The following PPP4R3B variants were observed in gnomAD, a reference collection of about 807,000 sequenced individuals.
PPP4R3B encodes serine/threonine-protein phosphatase 4 regulatory subunit 3B.
In PPP4R3B, 52 loss-of-function variants were observed where a neutral mutation model predicts 95.4. The observed-to-expected ratio is 0.54, with a 90% CI of 0.44 to 0.69. The LOEUF (loss-of-function observed/expected upper bound fraction) is 0.69. PPP4R3B is among the 30% of genes least tolerant of loss of function. The pLI, the probability that PPP4R3B is intolerant of heterozygous loss-of-function variation, is 0.00. For synonymous variants in PPP4R3B, 407 were observed against 343.9 expected (o/e 1.18, Z -2.03); for missense variants, 1,003 against 1,005.9 (o/e 1.00, Z 0.04).
At position 55,583,939 on chromosome 2, in the gene PPP4R3B, C is replaced by A. The variant is rs549140681; in HGVS notation, c.1233+1112G>T. On this transcript the variant is annotated intron_variant, in intron 7 of 16. Transcript: ENST00000616407. ...TTAACAAGTGGATCGCACATGGTGG[C>A]TCATGCCTTTAATCCCAGCACTTTA... Among the ~76,000 whole-genome samples, 7 of 152,232 alleles carry A rather than the reference C, an allele frequency of 4.6e-5. No individual in the cohort carries two copies. In the South Asian group the frequency reaches 1.5e-3, roughly 32 times the overall value.
intron 5 of PPP4R3B, among the ~76,000 whole-genome samples, chr2:55,587,313 G>C (rs981161187): frequency 2.6e-5 from 4 of 152,382 alleles, no homozygotes; most frequent in African/African-American, 7.2e-5. Flanking sequence ...GCGGGGCACA[G>C]TGGCTCACGC....
At chr2:55,593,914 G>C (rs771821357) in intron 4 of PPP4R3B, among the ~76,000 whole-genome samples, 25 of 152,080 alleles carry the variant, frequency 1.6e-4, no homozygotes, top group Non-Finnish European at 2.5e-4. Flanking sequence ...ACCCACCTAA[G>C]TGTCTACCAA....
Position 55,617,177 on chromosome 2 carries a change from C to T in PPP4R3B, c.109G>A (p.Gly37Arg). 1 of 1,613,764 alleles carries T rather than the reference C, an allele frequency of 6.2e-7. No homozygotes were observed. The highest frequency in any genetic ancestry group is 8.5e-7 in the Non-Finnish European group (1 of 1,179,824). ...TCTGCCCGAACCAGCAGCGACATCCCCTTGAGCTCCTCCACGTAAGTGGAG... is the reference window on the plus strand; with the variant it reads ...TCTGCCCGAACCAGCAGCGACATCCTCTTGAGCTCCTCCACGTAAGTGGAG... Reference protein sequence around the residue: ...VSSTYVEELKGMSLLVRAESD... With the variant: ...VSSTYVEELKRMSLLVRAESD... The change falls in exon 1 of 17, where the codon GGG becomes AGG. Residue 37 changes from glycine (G) to arginine (R), a missense_variant. Gly to Arg is a moderately radical substitution (Grantham distance 125, BLOSUM62 -2). This residue lies in a region of PPP4R3B where 695 missense variants were observed against 686.2 expected (regional missense o/e 1.01). Transcript: ENST00000616407.
chr2:55,578,142 A>C (rs1688939990), intron 10 of PPP4R3B, 105 bp downstream of exon 10: 1 of 1,125,052 alleles, frequency 8.9e-7, no homozygotes, highest in East Asian at 3.2e-5. Context: ...TGTATGACAG[A>C]CATTAAATTT....
At chr2:55,563,043 T>C (rs2103912510) in intron 15 of PPP4R3B, among the ~76,000 whole-genome samples, 2 of 152,348 alleles carry the variant, frequency 1.3e-5, no homozygotes, top group South Asian at 4.1e-4. Context: ...CTTAACAGCA[T>C]CTCACTCAAC....
chr2:55,590,222 G>A (rs1196821208), intron 4 of PPP4R3B, among the ~76,000 whole-genome samples: 1 of 151,508 alleles, frequency 6.6e-6, no homozygotes, highest in African/African-American at 2.4e-5. Flanking sequence ...AGCTACTAGG[G>A]AGGCTGAGGC....
chr2:55,578,318 T>C lies in PPP4R3B; in HGVS notation c.1493A>G (p.Tyr498Cys), dbSNP rs1202467608. The C allele has an allele frequency of 2.7e-6, 4 of 1,456,398 alleles. No homozygotes were observed. Among genetic ancestry groups the C allele is most frequent in the Middle Eastern group, 1.8e-4 (1 of 5,644 alleles). 90.2% of individuals were successfully genotyped at this position (1,456,398 alleles called of 1,614,324 possible). A position where few individuals can be genotyped will look rare whatever the true frequency, so the allele number is the denominator to read the frequency against. ...EKDFFLKHYR[Y>C]SWSFICTPSH... is the part of the protein sequence containing the mutation. The stretch of plus-strand genomic sequence containing the variant: ...AGGGGTACATATGAAACTCCAACTA[T>C]ATCTGTAATGTTTTAAAAAAAAATC... The change falls in exon 10 of 17, where the codon TAT (tyrosine) becomes TGT (cysteine). Residue 498 changes from tyrosine (Y) to cysteine (C), a missense_variant. This residue lies in a region of PPP4R3B where 695 missense variants were observed against 686.2 expected (regional missense o/e 1.01). Transcript: ENST00000616407.
chr2:55,607,068 T>C (rs1046810195), intron 2 of PPP4R3B, among the ~76,000 whole-genome samples: 3 of 152,192 alleles, frequency 2.0e-5, no homozygotes, highest in Non-Finnish European at 2.9e-5. Flanking sequence ...ACAAAATATT[T>C]GCAGTTATCT....
intron 2 of PPP4R3B, among the ~76,000 whole-genome samples, chr2:55,609,738 G>C (rs981514937): frequency 6.7e-6 from 1 of 150,208 alleles, no homozygotes; most frequent in Non-Finnish European, 1.5e-5. Flanking sequence ...TTCAAAGCCC[G>C]GATGGAAAAG....
intron 4 of PPP4R3B, among the ~76,000 whole-genome samples, chr2:55,593,488 C>A (rs964944669): frequency 6.6e-6 from 1 of 152,082 alleles, no homozygotes; most frequent in African/African-American, 2.4e-5. Context: ...CAAGTTAATG[C>A]GCATTTAAGA....
At position 55,598,655 on chromosome 2, in the gene PPP4R3B, A is replaced by G; in HGVS notation, c.682T>C (p.Tyr228His). The G allele has an allele frequency of 6.2e-7, 1 of 1,614,204 alleles. No individual in the cohort carries two copies. Among genetic ancestry groups the G allele is most frequent in the Non-Finnish European group, 8.5e-7 (1 of 1,180,042 alleles). The change falls in exon 4 of 17, where the codon TAT becomes CAT. Residue 228 changes from tyrosine to histidine, a missense_variant. Transcript: ENST00000616407. ...CIMDVVGCLE[Y>H]DPALAQPKRH... is the part of the protein sequence containing the mutation. The stretch of plus-strand genomic sequence containing the variant: ...TTTGGCTGAGCCAAAGCAGGGTCAT[A>G]TTCAAGGCATCCCACGACATCCATG...
Position 55,588,945 on chromosome 2 carries a change from C to G in PPP4R3B, c.933G>C (p.Lys311Asn). The change falls in exon 5 of 17, where the codon AAG (lysine) becomes AAC (asparagine). Residue 311 changes from lysine to asparagine, a missense_variant. By Grantham distance (94) the Lys-to-Asn change is moderately conservative. Coordinates refer to ENST00000616407, the MANE Select transcript of PPP4R3B (RefSeq NM_001122964.3). ...ATTGTGCAAAAACTTCAGACAAAAA[C>G]TTCTCATCTTCCTGCATGAGAAAAA... Reference protein sequence around the residue: ...EIVSMLQEDEKFLSEVFAQLT... With the variant: ...EIVSMLQEDENFLSEVFAQLT... 6.2e-7 allele frequency: 1 copy of G among 1,600,978 alleles called. No homozygotes were observed. The highest frequency in any genetic ancestry group is 8.5e-7 in the Non-Finnish European group (1 of 1,170,000).
At position 55,565,303 on chromosome 2, in the gene PPP4R3B, A is replaced by AT. The variant is rs1170867548; in HGVS notation, c.1936-263dup. The stretch of plus-strand genomic sequence containing the variant: ...TAAATAGATTTATTTTACATCTTCT[A>AT]TTTTTTGTATATATATATATATATA... On this transcript the variant is annotated intron_variant, in intron 13 of 16. Transcript: ENST00000616407. Among the ~76,000 whole-genome samples, 5 of 128,958 alleles carry AT rather than the reference A, an allele frequency of 3.9e-5. No individual in the cohort carries two copies. The South Asian group carries it at 7.6e-4, about 19-fold the overall frequency. 84.6% of individuals were successfully genotyped at this position (128,958 alleles called of 152,430 possible). A position where few individuals can be genotyped will look rare whatever the true frequency, so the allele number is the denominator to read the frequency against.
At chr2:55,557,221 C>G (rs1319382612) in intron 16 of PPP4R3B, among the ~76,000 whole-genome samples, 1 of 152,182 alleles carries the variant, frequency 6.6e-6, no homozygotes, top group Non-Finnish European at 1.5e-5. Flanking sequence ...TGAGCAGGGT[C>G]TCATTCTCTT....
chr2:55,569,221 G>T (rs532600649), intron 12 of PPP4R3B, among the ~76,000 whole-genome samples: 1 of 152,114 alleles, frequency 6.6e-6, no homozygotes, highest in Non-Finnish European at 1.5e-5. Context: ...TAACACCAGC[G>T]TCTGGGAAGA....
chr2:55,567,098 T>C (rs944653029), intron 13 of PPP4R3B, among the ~76,000 whole-genome samples: 2 of 152,218 alleles, frequency 1.3e-5, no homozygotes, highest in African/African-American at 4.8e-5. Context: ...TAAGTACAGG[T>C]GAAGTAAATT....
intron 2 of PPP4R3B, chr2:55,614,042 GAC>G (rs1398637593): frequency 3.3e-5 from 5 of 151,962 alleles, no homozygotes; most frequent in South Asian, 4.1e-4. Flanking sequence ...CATCAAAAAA[GAC>G]ACACAATATT....
intron 4 of PPP4R3B, among the ~76,000 whole-genome samples, chr2:55,592,709 TATATA>T (rs1204501415): frequency 5.9e-5 from 9 of 152,188 alleles, no homozygotes; most frequent in Admixed American, 5.2e-4. Context: ...CAGAAATATG[TATATA>T]ATATAATATA....
At chr2:55,573,069 G>C (rs1375531229) in intron 12 of PPP4R3B, among the ~76,000 whole-genome samples, 1 of 151,984 alleles carries the variant, frequency 6.6e-6, no homozygotes, top group Non-Finnish European at 1.5e-5. Context: ...AGTTAACACT[G>C]GCTATTTTAA....
Sources: allele counts gnomAD v4.1 joint callset (sites outside exome capture counted in the v4.1 genomes callset), GRCh38; gene constraint gnomAD v4.1.1; regional missense constraint gnomAD v4.1.1; transcripts MANE v1.5; gene names NCBI Gene and HGNC (gene_info 2026-07-23, HGNC 2026-07-21).